The following ZCCHC24 variants were observed in gnomAD, a reference collection of about 807,000 sequenced individuals.
The protein encoded by ZCCHC24 is zinc finger CCHC-type containing 24.
Under a neutral mutation model 26.2 loss-of-function variants are expected in ZCCHC24, and 10 were observed. That is an observed-to-expected ratio of 0.38 (90% CI 0.24 to 0.65). ZCCHC24 has a LOEUF of 0.65. ZCCHC24 is among the 30% of genes least tolerant of loss of function. The pLI is 0.54. For synonymous variants in ZCCHC24, 144 were observed against 147.1 expected, an observed-to-expected ratio of 0.98 and a Z score of 0.15; for missense variants, 243 against 329.1, an observed-to-expected ratio of 0.74 and a Z score of 2.03.
At chr10:79,424,300 GTC>G (rs1201166540) in intron 2 of ZCCHC24, among the ~76,000 whole-genome samples, 1 of 152,186 alleles carries the variant, frequency 6.6e-6, no homozygotes, top group Non-Finnish European at 1.5e-5. Context: ...CTTGCTATGT[GTC>G]TGACACACAG....
At chr10:79,396,897 T>G (rs1466500159) in intron 2 of ZCCHC24, among the ~76,000 whole-genome samples, 1 of 152,192 alleles carries the variant, frequency 6.6e-6, no homozygotes, top group African/African-American at 2.4e-5. Flanking sequence ...AAGACTGTTC[T>G]GAGGATTAAA....
chr10:79,422,712 C>T (rs555026003), intron 2 of ZCCHC24, among the ~76,000 whole-genome samples: 3 of 152,164 alleles, frequency 2.0e-5, no homozygotes, highest in African/African-American at 7.2e-5. Flanking sequence ...GGCATGCTGA[C>T]TCAGGAATGG....
At chr10:79,410,509 C>T (rs1371242910) in intron 2 of ZCCHC24, among the ~76,000 whole-genome samples, 5 of 152,124 alleles carry the variant, frequency 3.3e-5, no homozygotes, top group Non-Finnish European at 5.9e-5. Context: ...GGAGGAGTGA[C>T]GTCACAGTGG....
At chr10:79,387,869 C>T (rs79661546) in intron 3 of ZCCHC24, among the ~76,000 whole-genome samples, 6,663 of 152,220 alleles carry the variant, frequency 0.044, 221 homozygotes, top group Non-Finnish European at 0.066. Flanking sequence ...CAGGGACCAC[C>T]CTTCTGCCCC....
chr10:79,386,309 G>T lies in ZCCHC24; in HGVS notation c.*36C>A, dbSNP rs1444163407. ...CAGGGAAGCAGCGTCTCCTCGGGCTGGCGGGGGGTGGCTCTGGGTGCGGGC... is the reference window on the plus strand; with the variant it reads ...CAGGGAAGCAGCGTCTCCTCGGGCTTGCGGGGGGTGGCTCTGGGTGCGGGC... On this transcript the variant is annotated 3_prime_UTR_variant, in exon 4 of 4. Coordinates refer to ENST00000372336, the MANE Select transcript of ZCCHC24 (RefSeq NM_153367.4). 4 of 1,591,344 alleles carry T rather than the reference G, an allele frequency of 2.5e-6. No homozygotes were observed. The highest frequency in any genetic ancestry group is 3.4e-6 in the Non-Finnish European group (4 of 1,164,790).
In ZCCHC24 at chr10:79,445,484, G is replaced by A. The variant is rs1857354319; in HGVS notation, c.-44C>T. On this transcript the variant is annotated 5_prime_UTR_variant, in exon 1 of 4. Coordinates refer to ENST00000372336, the MANE Select transcript of ZCCHC24 (RefSeq NM_153367.4). The stretch of plus-strand genomic sequence containing the variant: ...GCCCCTCCCCGGCCGCCCGCTCGCG[G>A]CCCCCCTCCGCAGCGGAGGGGCGGG... 7.6e-7 allele frequency: 1 copy of A among 1,312,786 alleles called. No individual in the cohort carries two copies. The highest frequency in any genetic ancestry group is 3.1e-5 in the East Asian group (1 of 31,858). The allele number at this position is 1,312,786 out of a possible 1,614,324, so 81.3% of individuals were successfully genotyped here.
At chr10:79,408,820 A>C (rs993987759) in intron 2 of ZCCHC24, among the ~76,000 whole-genome samples, 3 of 152,120 alleles carry the variant, frequency 2.0e-5, no homozygotes, top group Non-Finnish European at 4.4e-5. Context: ...TCCCTGACCC[A>C]GTCCCTACAC....
chr10:79,389,129 A>G (rs1257949508), intron 3 of ZCCHC24, among the ~76,000 whole-genome samples: 2 of 152,084 alleles, frequency 1.3e-5, no homozygotes, highest in African/African-American at 2.4e-5. Context: ...CCTGTGTTTG[A>G]TGGAGGGGAA....
intron 3 of ZCCHC24, among the ~76,000 whole-genome samples, chr10:79,390,382 A>G (rs1856463094): frequency 1.3e-5 from 2 of 152,248 alleles, no homozygotes; most frequent in Admixed American, 1.3e-4. Context: ...TGCCTGGCAC[A>G]TAGAGAGCAT....
Position 79,384,935 on chromosome 10 carries a change from G to A in ZCCHC24, c.*1410C>T, listed in dbSNP as rs1856368618. The stretch of plus-strand genomic sequence containing the variant: ...AACGGGGCTTCTCATCCGGGAGACA[G>A]AGGAGCGCACGATCCCGCCGCCAGC... On this transcript the variant is annotated 3_prime_UTR_variant, in exon 4 of 4. Coordinates refer to ENST00000372336, the MANE Select transcript of ZCCHC24 (RefSeq NM_153367.4). The A allele has an allele frequency of 6.6e-6, 1 of 152,310 alleles. No homozygotes were observed. The highest frequency in any genetic ancestry group is 2.1e-4 in the South Asian group (1 of 4,830). The allele number at this position is 152,310 out of a possible 1,614,324, so 9.4% of individuals were successfully genotyped here. A position where few individuals can be genotyped will look rare whatever the true frequency, so the allele number is the denominator to read the frequency against.
chr10:79,445,229 T>A lies in ZCCHC24; in HGVS notation c.212A>T (p.Tyr71Phe). The A allele has an allele frequency of 7.4e-7, 1 of 1,345,696 alleles. No homozygotes were observed. Among genetic ancestry groups the A allele is most frequent in the Non-Finnish European group, 9.6e-7 (1 of 1,042,070 alleles). The allele number at this position is 1,345,696 out of a possible 1,614,324, so 83.4% of individuals were successfully genotyped here. Residue 71 changes from tyrosine (Y) to phenylalanine (F), a missense_variant, in exon 1 of 4, where the codon TAT (tyrosine) becomes TTT (phenylalanine). Physicochemically the swap from Tyr to Phe is conservative, Grantham distance 22 (BLOSUM62 3). This residue lies in a region of ZCCHC24 where 147 missense variants were observed against 150.8 expected (regional missense o/e 0.97). Transcript: ENST00000372336. ...CTGCAGCTGGAAGAAGCTGTTGAGA[T>A]AGCTGGAGTGCAGGGGCGAGCCCAG... Reference protein sequence around the residue: ...EQLGSPLHSSYLNSFFQLQRG... With the variant: ...EQLGSPLHSSFLNSFFQLQRG...
At position 79,436,532 on chromosome 10, in the gene ZCCHC24, G is replaced by A. The variant is rs192249921; in HGVS notation, c.247-3774C>T. ...GGCGCAGGGATCATGGCGCAGCCCC[G>A]CCTGAGTGACCAATGGAGCTCTGAA... On this transcript the variant is annotated intron_variant, in intron 1 of 3. Transcript: ENST00000372336. 3.1e-3 allele frequency among the ~76,000 whole-genome samples: 469 copies of A among 152,308 alleles called. 4 individuals are homozygous for A. Among genetic ancestry groups the A allele is most frequent in the African/African-American group, 9.9e-3 (413 of 41,558 alleles).
intron 2 of ZCCHC24, among the ~76,000 whole-genome samples, chr10:79,401,581 C>T (rs1589663087): frequency 6.6e-6 from 1 of 152,198 alleles, no homozygotes; most frequent in South Asian, 2.1e-4. Flanking sequence ...TGGTGAGAAA[C>T]GGGAAGGGGC....
chr10:79,405,947 A>T (rs1049257333), intron 2 of ZCCHC24, among the ~76,000 whole-genome samples: 1 of 152,238 alleles, frequency 6.6e-6, no homozygotes, highest in African/African-American at 2.4e-5. Flanking sequence ...CCAGCCTCGC[A>T]AAACCCTCAC....
chr10:79,403,083 G>A (rs1168346085), intron 2 of ZCCHC24, among the ~76,000 whole-genome samples: 1 of 152,130 alleles, frequency 6.6e-6, no homozygotes, highest in Non-Finnish European at 1.5e-5. Context: ...TTCCCCAACC[G>A]TGACCCACAC....
intron 3 of ZCCHC24, among the ~76,000 whole-genome samples, chr10:79,392,372 C>T (rs533456755): frequency 6.6e-6 from 1 of 152,322 alleles, no homozygotes; most frequent in East Asian, 1.9e-4. Context: ...CTCAAGCCCG[C>T]CCCAGCCCGC....
intron 2 of ZCCHC24, chr10:79,403,502 G>C (rs1856666552): frequency 4.1e-6 from 4 of 985,342 alleles, no homozygotes; most frequent in African/African-American, 1.7e-5. Flanking sequence ...CAGGCTCCAC[G>C]GAGGCCCCGG....
intron 1 of ZCCHC24, chr10:79,444,012 T>C: frequency 2.1e-6 from 3 of 1,418,872 alleles, no homozygotes; most frequent in South Asian, 3.0e-5. Flanking sequence ...AGGGCGACCC[T>C]CTGCCTCCCT....
chr10:79,431,538 C>T (rs1180162685), intron 2 of ZCCHC24, among the ~76,000 whole-genome samples: 2 of 152,212 alleles, frequency 1.3e-5, no homozygotes, highest in Non-Finnish European at 2.9e-5. Context: ...TGATGCATCT[C>T]TGCCAGGGCC....
Sources: gnomAD v4.1 joint callset for allele counts (sites outside exome capture counted in the v4.1 genomes callset) on GRCh38, gnomAD v4.1.1 for gene constraint, gnomAD v4.1.1 regional missense constraint, MANE v1.5 for transcripts, NCBI Gene and HGNC (gene_info 2026-07-23, HGNC 2026-07-21) for gene names.